Variants in BAALC observed in about 807,000 individuals in gnomAD.
The protein encoded by BAALC is BAALC binder of MAP3K1 and KLF4.
Under a neutral mutation model 15.5 loss-of-function variants are expected in BAALC, and 9 were observed. The ratio of observed to expected loss-of-function variants is 0.58; its 90% CI spans 0.35 to 1.02. The LOEUF (loss-of-function observed/expected upper bound fraction) is 1.02. Ranked by LOEUF, BAALC falls within the 50% of genes least tolerant of loss-of-function variation. BAALC has a pLI of 0.02. For missense variants in BAALC, 201 were observed against 192.4 expected (o/e 1.04, Z -0.27); for synonymous variants, 80 against 74.6 (o/e 1.07, Z -0.37).
intron 2 of BAALC, among the ~76,000 whole-genome samples, chr8:103,224,640 G>T (rs1267135868): frequency 6.6e-6 from 1 of 151,996 alleles, no homozygotes; most frequent in Non-Finnish European, 1.5e-5. Context: ...ACCTAAAAGG[G>T]CACCTAGCTC....
intron 1 of BAALC, among the ~76,000 whole-genome samples, chr8:103,160,013 C>T (rs1228685274): frequency 6.6e-6 from 1 of 152,040 alleles, no homozygotes; most frequent in Non-Finnish European, 1.5e-5. Flanking sequence ...CCTTTTAAAA[C>T]TTTATTCTTT....
intron 1 of BAALC, among the ~76,000 whole-genome samples, chr8:103,179,939 AG>A (rs1286766409): frequency 6.6e-6 from 1 of 152,044 alleles, no homozygotes; most frequent in Non-Finnish European, 1.5e-5. Flanking sequence ...GATCAAAGAG[AG>A]GTGGTTGTAC....
At chr8:103,212,807 T>C in intron 1 of BAALC, 112 bp from the exon 2 acceptor site, 1 of 1,171,840 alleles carries the variant, frequency 8.5e-7, no homozygotes, top group Non-Finnish European at 1.2e-6. Context: ...GTGGGATTTC[T>C]GGCAACTTTT....
chr8:103,150,304 C>T (rs1251723135), intron 1 of BAALC, among the ~76,000 whole-genome samples: 2 of 151,832 alleles, frequency 1.3e-5, no homozygotes, highest in Middle Eastern at 3.2e-3. Context: ...GGGACACAGC[C>T]AAACCATATC....
At chr8:103,224,532 C>T (rs1055370239) in intron 2 of BAALC, among the ~76,000 whole-genome samples, 2 of 152,040 alleles carry the variant, frequency 1.3e-5, no homozygotes, top group African/African-American at 2.4e-5. Context: ...AATAAATGTT[C>T]AGGTTAAGGT....
At chr8:103,142,343 C>T (rs1810796164) in intron 1 of BAALC, among the ~76,000 whole-genome samples, 1 of 152,208 alleles carries the variant, frequency 6.6e-6, no homozygotes, top group Admixed American at 6.5e-5. Flanking sequence ...CTGTACAATA[C>T]ATTACACTAT....
intron 1 of BAALC, among the ~76,000 whole-genome samples, chr8:103,158,995 A>T (rs568090229): frequency 8.9e-4 from 136 of 152,346 alleles, no homozygotes; most frequent in African/African-American, 3.0e-3. Context: ...CCATTCAAGA[A>T]TATATACATA....
Position 103,195,921 on chromosome 8 carries a change from A to AAGAG in BAALC, c.161-16996_161-16993dup, listed in dbSNP as rs767854987. ...GATACCAACAGTGATGAATGCACCAAAGAGAAGTGCACTACTGCAGGAGTG... is the reference window on the plus strand; with the variant it reads ...GATACCAACAGTGATGAATGCACCAAAGAGAGAGAAGTGCACTACTGCAGGAGTG... On this transcript the variant is annotated intron_variant, in intron 1 of 2. Transcript: ENST00000309982. 2.6e-5 allele frequency among the ~76,000 whole-genome samples: 4 copies of AAGAG among 152,312 alleles called. No individual in the cohort carries two copies. In the East Asian group the frequency reaches 7.7e-4, roughly 29 times the overall value.
intron 1 of BAALC, among the ~76,000 whole-genome samples, chr8:103,179,467 G>A (rs1195158833): frequency 6.6e-6 from 1 of 152,242 alleles, no homozygotes; most frequent in Non-Finnish European, 1.5e-5. Context: ...GGGTCACTGT[G>A]CTGAATAGAA....
intron 1 of BAALC, among the ~76,000 whole-genome samples, chr8:103,199,541 T>G (rs1812168073): frequency 6.6e-6 from 1 of 151,880 alleles, no homozygotes; most frequent in Admixed American, 6.6e-5. Context: ...GATTGATTGC[T>G]TTGAGCGATT....
intron 1 of BAALC, among the ~76,000 whole-genome samples, chr8:103,204,304 T>C (rs913688960): frequency 1.3e-5 from 2 of 152,204 alleles, no homozygotes; most frequent in African/African-American, 4.8e-5. Context: ...TTGTAGGAGT[T>C]CTTTGAAAGT....
chr8:103,198,934 T>A (rs1354922068), intron 1 of BAALC, among the ~76,000 whole-genome samples: 1 of 152,198 alleles, frequency 6.6e-6, no homozygotes, highest in Non-Finnish European at 1.5e-5. Flanking sequence ...ATATTTATGC[T>A]CTACTTGCTT....
At chr8:103,156,965 C>T (rs2129888331) in intron 1 of BAALC, 1 of 152,398 alleles carries the variant, frequency 6.6e-6, no homozygotes, top group South Asian at 2.1e-4. Context: ...GTGCCCATGC[C>T]CTTTAGCCAT....
intron 1 of BAALC, among the ~76,000 whole-genome samples, chr8:103,187,121 G>A (rs28459744): frequency 0.086 from 13,074 of 151,954 alleles, 775 homozygotes; most frequent in African/African-American, 0.17. Context: ...CCCCTCCCTC[G>A]ATGTTCTTCC....
chr8:103,140,909 C>T lies in BAALC; in HGVS notation c.12C>T (p.Gly4=), dbSNP rs3736043. MGC[G]GSRADAIEPR... The stretch of plus-strand genomic sequence containing the variant: ...CGCGGCGCAGGAGGATGGGCTGCGG[C>T]GGGAGCCGGGCGGATGCCATCGAGC... The change falls in exon 1 of 3, where the codon GGC becomes GGT. Residue 4 remains glycine (G), a synonymous_variant. Coordinates refer to ENST00000309982, the MANE Select transcript of BAALC (RefSeq NM_024812.3). This position sits in a 1 kb window ranked among gnomAD's most constrained non-coding sequence, Gnocchi z 4.2. 141,224 of 1,515,762 alleles carry T rather than the reference C, an allele frequency of 0.093. 7,412 individuals carry two copies. The highest frequency in any genetic ancestry group is 0.11 in the Non-Finnish European group (122,526 of 1,132,358). 93.9% of individuals were successfully genotyped at this position (1,515,762 alleles called of 1,614,324 possible). A position where few individuals can be genotyped will look rare whatever the true frequency, so the allele number is the denominator to read the frequency against.
intron 1 of BAALC, among the ~76,000 whole-genome samples, chr8:103,154,874 G>T (rs1202225621): frequency 6.6e-6 from 1 of 151,772 alleles, no homozygotes; most frequent in Non-Finnish European, 1.5e-5. Flanking sequence ...ACTGGAGAGA[G>T]CTCTAGTAAC....
chr8:103,177,170 G>T (rs1197604072), intron 1 of BAALC, among the ~76,000 whole-genome samples: 38 of 66,262 alleles, frequency 5.7e-4, no homozygotes, highest in Non-Finnish European at 8.3e-4. Context: ...CGGGTTTTTT[G>T]TTGTTGTTGT....
intron 1 of BAALC, chr8:103,141,263 C>G (rs991208675): frequency 3.8e-6 from 2 of 533,326 alleles, no homozygotes; most frequent in Non-Finnish European, 6.1e-6. Flanking sequence ...CCGAAGGCTG[C>G]GCCGATGCCC....
At chr8:103,154,410 T>G (rs1811045280) in intron 1 of BAALC, among the ~76,000 whole-genome samples, 1 of 151,970 alleles carries the variant, frequency 6.6e-6, no homozygotes, top group Non-Finnish European at 1.5e-5. Context: ...TTGCAACAAC[T>G]TTTGGACTAG....
Sources: gnomAD v4.1 joint callset for allele counts (sites outside exome capture counted in the v4.1 genomes callset) on GRCh38, gnomAD v4.1.1 for gene constraint, Gnocchi (gnomAD v3.1) non-coding constraint, MANE v1.5 for transcripts, NCBI Gene and HGNC (gene_info 2026-07-23, HGNC 2026-07-21) for gene names.